Variants in ELMOD1 observed in about 807,000 individuals in gnomAD.
ELMOD1 encodes ELMO domain containing 1.
In ELMOD1, 21 loss-of-function variants were observed where a neutral mutation model predicts 46.7. The observed-to-expected ratio is 0.45, with a 90% CI of 0.32 to 0.65. ELMOD1 has a LOEUF of 0.65. ELMOD1 is among the 30% of genes least tolerant of loss of function. The pLI is 0.04. For missense variants in ELMOD1, 348 were observed against 407.8 expected (o/e 0.85, Z 1.26); for synonymous variants, 122 against 138.2 (o/e 0.88, Z 0.82).
chr11:107,649,030 T>A (rs1166917031), intron 7 of ELMOD1, among the ~76,000 whole-genome samples: 1 of 152,186 alleles, frequency 6.6e-6, no homozygotes, highest in Non-Finnish European at 1.5e-5. Context: ...TTCCCATAGA[T>A]CTTTCCCTTT....
chr11:107,615,679 G>A (rs1273156001), intron 1 of ELMOD1, among the ~76,000 whole-genome samples: 1 of 152,036 alleles, frequency 6.6e-6, no homozygotes, highest in Non-Finnish European at 1.5e-5. Context: ...GATCCAATCA[G>A]GATAATACAT....
intron 6 of ELMOD1, among the ~76,000 whole-genome samples, chr11:107,646,735 C>T (rs1159917082): frequency 6.9e-6 from 1 of 145,954 alleles, no homozygotes; most frequent in Non-Finnish European, 1.5e-5. Flanking sequence ...AGTCCGTCTC[C>T]AAAAAAAAGC....
chr11:107,592,006 A>G (rs1286137114), intron 1 of ELMOD1: 2 of 508,860 alleles, frequency 3.9e-6, no homozygotes, highest in Non-Finnish European at 8.1e-6. Context: ...GGGCAGGTAG[A>G]ATTGGACAGC....
At chr11:107,616,087 C>T (rs571910256) in intron 1 of ELMOD1, among the ~76,000 whole-genome samples, 2 of 148,212 alleles carry the variant, frequency 1.3e-5, no homozygotes, top group South Asian at 4.3e-4. Context: ...CCTCTGCCTC[C>T]CAGGTTCAAG....
intron 5 of ELMOD1, among the ~76,000 whole-genome samples, chr11:107,634,379 A>G (rs2135692524): frequency 6.6e-6 from 1 of 152,246 alleles, no homozygotes; most frequent in Non-Finnish European, 1.5e-5. Flanking sequence ...TGTTCTAGTG[A>G]TATGCTTTTA....
chr11:107,630,825 C>A, intron 4 of ELMOD1, 97 bp downstream of exon 4: 1 of 1,184,026 alleles, frequency 8.4e-7, no homozygotes, highest in Non-Finnish European at 1.2e-6. Flanking sequence ...ATACCACTGG[C>A]TAGGAAAACT....
intron 6 of ELMOD1, among the ~76,000 whole-genome samples, chr11:107,645,506 G>T (rs991826386): frequency 6.6e-6 from 1 of 151,592 alleles, no homozygotes; most frequent in Non-Finnish European, 1.5e-5. Flanking sequence ...TGTATGTTTA[G>T]TAGGGATGGG....
At chr11:107,602,266 C>G (rs1465671791) in intron 1 of ELMOD1, among the ~76,000 whole-genome samples, 1 of 152,184 alleles carries the variant, frequency 6.6e-6, no homozygotes, top group Non-Finnish European at 1.5e-5. Context: ...CCTCTGGAAA[C>G]TTTCTTGTGA....
At position 107,635,713 on chromosome 11, in the gene ELMOD1, G is replaced by T. The variant is rs753463613; in HGVS notation, c.368G>T (p.Arg123Leu). The change falls in exon 6 of 12, where the codon CGT becomes CTT. Residue 123 changes from arginine to leucine, a missense_variant. Arg to Leu is a moderately radical substitution (Grantham distance 102). Coordinates refer to ENST00000265840, the MANE Select transcript of ELMOD1 (RefSeq NM_018712.4). ...RNLIADVEKL[R>L]REAYDSDNPQ... Reference sequence around the variant, plus strand: ...CTTATTGCAGATGTGGAAAAACTGCGTAGAGAGGCCTATGATTCTGATAAT... The same window carrying T: ...CTTATTGCAGATGTGGAAAAACTGCTTAGAGAGGCCTATGATTCTGATAAT... 8 of 1,613,862 alleles carry T rather than the reference G, an allele frequency of 5.0e-6. No homozygotes were observed. Among genetic ancestry groups the T allele is most frequent in the South Asian group, 1.1e-5 (1 of 91,072 alleles).
At chr11:107,612,100 C>T (rs909843361) in intron 1 of ELMOD1, among the ~76,000 whole-genome samples, 1 of 152,146 alleles carries the variant, frequency 6.6e-6, no homozygotes, top group Non-Finnish European at 1.5e-5. Context: ...ATAACAAAGA[C>T]ATGGGATCAA....
chr11:107,660,229 C>T (rs1456298274), intron 11 of ELMOD1, among the ~76,000 whole-genome samples: 1 of 152,184 alleles, frequency 6.6e-6, no homozygotes, highest in Admixed American at 6.5e-5. Context: ...CCAAGACATT[C>T]AAGCAGCAAC....
chr11:107,646,952 A>G (rs970042579), intron 6 of ELMOD1, among the ~76,000 whole-genome samples: 4 of 105,592 alleles, frequency 3.8e-5, no homozygotes, highest in Non-Finnish European at 1.8e-5. Context: ...TAATCTATCT[A>G]TCTATCTATC....
At position 107,665,067 on chromosome 11, in the gene ELMOD1, A is replaced by G. The variant is rs781130407; in HGVS notation, c.875A>G (p.Asp292Gly). The G allele has an allele frequency of 8.7e-6, 14 of 1,613,738 alleles. No individual in the cohort carries two copies. The South Asian group carries it at 1.5e-4, about 18-fold the overall frequency. The change falls in exon 12 of 12, where the codon GAC becomes GGC. Residue 292 changes from aspartate (D) to glycine (G), a missense_variant. Transcript: ENST00000265840. ...HEFHKFWIEE[D>G]PMDIMEFNRV... ...TTTCATAAGTTTTGGATCGAAGAGG[A>G]CCCCATGGACATAATGGAATTTAAT...
At chr11:107,613,074 T>C (rs956056408) in intron 1 of ELMOD1, among the ~76,000 whole-genome samples, 4 of 152,156 alleles carry the variant, frequency 2.6e-5, no homozygotes, top group African/African-American at 9.7e-5. Flanking sequence ...TCTGTTCAGT[T>C]CTCTCCCTCC....
At chr11:107,655,140 A>G (rs966394067) in intron 10 of ELMOD1, among the ~76,000 whole-genome samples, 4 of 124,188 alleles carry the variant, frequency 3.2e-5, no homozygotes, top group African/African-American at 1.4e-4. Flanking sequence ...ATCTTATTTT[A>G]GTTTCTTTCC....
chr11:107,599,928 AACAGATTT>A (rs1865568701), intron 1 of ELMOD1, among the ~76,000 whole-genome samples: 1 of 152,148 alleles, frequency 6.6e-6, no homozygotes, highest in Admixed American at 6.5e-5. Context: ...ATTAAAGAGC[AACAGATTT>A]ACCTCTAACT....
At chr11:107,656,203 C>A in intron 11 of ELMOD1, 137 bp downstream of exon 11, 2 of 899,518 alleles carry the variant, frequency 2.2e-6, no homozygotes, top group Admixed American at 2.7e-5. Flanking sequence ...GCTTGGCCAG[C>A]ATGGTGAAAC....
intron 6 of ELMOD1, among the ~76,000 whole-genome samples, chr11:107,645,336 T>C (rs1262593745): frequency 6.6e-6 from 1 of 151,924 alleles, no homozygotes; most frequent in African/African-American, 2.4e-5. Flanking sequence ...TGTTTTTTGT[T>C]TTTTTTAGAC....
chr11:107,651,804 A>G (rs931121016), intron 9 of ELMOD1, among the ~76,000 whole-genome samples: 3 of 152,212 alleles, frequency 2.0e-5, no homozygotes, highest in African/African-American at 7.2e-5. Context: ...GTCAGAAGAC[A>G]CGAGTCCTCC....
Sources: gnomAD v4.1 joint callset for allele counts (sites outside exome capture counted in the v4.1 genomes callset) on GRCh38, gnomAD v4.1.1 for gene constraint, MANE v1.5 for transcripts, NCBI Gene and HGNC (gene_info 2026-07-23, HGNC 2026-07-21) for gene names.